The following NIPSNAP1 variants were observed in gnomAD, a reference collection of about 807,000 sequenced individuals.
The protein encoded by NIPSNAP1 is protein NipSnap homolog 1.
In NIPSNAP1, 25 loss-of-function variants were observed where a neutral mutation model predicts 49.2. The observed-to-expected ratio is 0.51, with a 90% CI of 0.37 to 0.71. The LOEUF (loss-of-function observed/expected upper bound fraction) is 0.71. Ranked by LOEUF, NIPSNAP1 falls within the 30% of genes least tolerant of loss-of-function variation. The probability of loss-of-function intolerance (pLI) is 0.00; values close to 1 mark genes in which losing one functional copy is unlikely to be tolerated. For missense variants in NIPSNAP1, 294 were observed against 361.0 expected (o/e 0.81, Z 1.50); for synonymous variants, 143 against 140.7 (o/e 1.02, Z -0.12).
At chr22:29,562,691 C>A (rs1361177186) in intron 4 of NIPSNAP1, among the ~76,000 whole-genome samples, 1 of 149,922 alleles carries the variant, frequency 6.7e-6, no homozygotes, top group African/African-American at 2.5e-5. Context: ...AACTCCGTCT[C>A]AAAAAAAAAG....
At chr22:29,559,136 A>G (rs2064316381) in intron 8 of NIPSNAP1, among the ~76,000 whole-genome samples, 183 bp from the exon 9 acceptor site, 1 of 152,196 alleles carries the variant, frequency 6.6e-6, no homozygotes, top group African/African-American at 2.4e-5. Flanking sequence ...ACATATGTTA[A>G]TATTGCCTAC....
At chr22:29,556,052 C>G in intron 9 of NIPSNAP1, 53 bp from the exon 10 acceptor site, 1 of 1,482,858 alleles carries the variant, frequency 6.7e-7, no homozygotes, top group Non-Finnish European at 9.2e-7. Flanking sequence ...AGCCAACAAC[C>G]TCCCCTGGCC....
chr22:29,557,584 C>T lies in NIPSNAP1; in HGVS notation c.790+1286G>A, dbSNP rs1005860280. Among the ~76,000 whole-genome samples, 8 of 152,006 alleles carry T rather than the reference C, an allele frequency of 5.3e-5. No homozygotes were observed. In the South Asian group the frequency reaches 1.2e-3, roughly 24 times the overall value. On this transcript the variant is annotated intron_variant, in intron 9 of 9. Transcript: ENST00000216121. Reference sequence around the variant, plus strand: ...CTGGGACTACAGATGGGAAACACCACGTCCTGCTAATTTTTAAAAAATGTT... The same window carrying T: ...CTGGGACTACAGATGGGAAACACCATGTCCTGCTAATTTTTAAAAAATGTT...
chr22:29,568,436 CTG>C (rs1472408058), intron 4 of NIPSNAP1, among the ~76,000 whole-genome samples: 1 of 145,254 alleles, frequency 6.9e-6, no homozygotes, highest in Non-Finnish European at 1.5e-5. Flanking sequence ...TCAGCCAAGA[CTG>C]TGCCACTATC....
At chr22:29,563,674 G>A (rs1236576537) in intron 4 of NIPSNAP1, among the ~76,000 whole-genome samples, 3 of 152,022 alleles carry the variant, frequency 2.0e-5, no homozygotes, top group South Asian at 4.2e-4. Flanking sequence ...ATCGACCTAA[G>A]ATGAGATTAT....
intron 4 of NIPSNAP1, among the ~76,000 whole-genome samples, chr22:29,564,000 G>T (rs1379204338): frequency 6.6e-6 from 1 of 152,196 alleles, no homozygotes; most frequent in Non-Finnish European, 1.5e-5. Flanking sequence ...CACCCAGTTT[G>T]CGGTATGCTG....
At chr22:29,556,919 T>C (rs988024781) in intron 9 of NIPSNAP1, among the ~76,000 whole-genome samples, 2 of 151,362 alleles carry the variant, frequency 1.3e-5, no homozygotes, top group African/African-American at 2.4e-5. Flanking sequence ...CTGGCTAATT[T>C]TGTATTTTTA....
At chr22:29,573,834 G>A (rs2064428940) in intron 1 of NIPSNAP1, among the ~76,000 whole-genome samples, 1 of 151,458 alleles carries the variant, frequency 6.6e-6, no homozygotes, top group African/African-American at 2.4e-5. Flanking sequence ...AGCTACTCAG[G>A]AGGCTGAGGT....
chr22:29,564,186 T>A, intron 4 of NIPSNAP1: 1 of 378,046 alleles, frequency 2.6e-6, no homozygotes, highest in South Asian at 2.0e-5. Context: ...GCCAGCAGTC[T>A]AGAAACTCAG....
intron 1 of NIPSNAP1, among the ~76,000 whole-genome samples, chr22:29,574,407 A>C (rs1190164895): frequency 2.0e-5 from 3 of 152,088 alleles, no homozygotes; most frequent in Non-Finnish European, 2.9e-5. Context: ...TTTTTTATAA[A>C]GATTTTAAAG....
At chr22:29,559,082 A>C in intron 8 of NIPSNAP1, 129 bp from the exon 9 acceptor site, 5 of 726,262 alleles carry the variant, frequency 6.9e-6, no homozygotes, top group Non-Finnish European at 1.0e-5. Flanking sequence ...CCTCCCTCAG[A>C]CTATTAGCAA....
At chr22:29,558,669 T>C (rs2064312882) in intron 9 of NIPSNAP1, among the ~76,000 whole-genome samples, 1 of 152,076 alleles carries the variant, frequency 6.6e-6, no homozygotes, top group Non-Finnish European at 1.5e-5. Flanking sequence ...GCCCTGGCTA[T>C]GTTATCATCC....
chr22:29,561,172 A>C lies in NIPSNAP1; in HGVS notation c.610T>G (p.Trp204Gly), dbSNP rs2064332796. ...CCCAGTCTTGGTGCTGCCACTTACC[A>C]GTTGTTCCCCCACTCGATCATGGTT... ...PGTMIEWGNNWARAIKYRQEN... is the reference protein window; with the variant it reads ...PGTMIEWGNNGARAIKYRQEN... The change falls in exon 7 of 10, where the codon TGG (tryptophan) becomes GGG (glycine). Residue 204 changes from tryptophan to glycine, a missense_variant and splice_region_variant. This residue lies in a region of NIPSNAP1 where 146 missense variants were observed against 219.9 expected (regional missense o/e 0.66). Transcript: ENST00000216121. 1.9e-6 allele frequency: 3 copies of C among 1,613,056 alleles called. No individual in the cohort carries two copies. Among genetic ancestry groups the C allele is most frequent in the Non-Finnish European group, 2.5e-6 (3 of 1,179,290 alleles).
chr22:29,558,568 A>C (rs1425799808), intron 9 of NIPSNAP1, among the ~76,000 whole-genome samples: 1 of 152,210 alleles, frequency 6.6e-6, no homozygotes, highest in Non-Finnish European at 1.5e-5. Context: ...TCACTATCTT[A>C]CAGACGAGGG....
Position 29,580,988 on chromosome 22 carries a change from G to C in NIPSNAP1, c.95C>G (p.Ala32Gly). The C allele has an allele frequency of 1.3e-6, 2 of 1,530,224 alleles. No individual in the cohort carries two copies. Among genetic ancestry groups the C allele is most frequent in the Non-Finnish European group, 1.7e-6 (2 of 1,143,784 alleles). The allele number at this position is 1,530,224 out of a possible 1,614,324, so 94.8% of individuals were successfully genotyped here. ...CCCTGCCTGGCCGGGCTCTCACCGC[G>C]CCGCAGCTGCAGACGCAACGTCCCC... Reference protein sequence around the residue: ...RAGDVASAAAARFYSKDNEGS... With the variant: ...RAGDVASAAAGRFYSKDNEGS... Residue 32 changes from alanine to glycine, a missense_variant, in exon 1 of 10, where the codon GCG becomes GGG. Physicochemically the swap from Ala to Gly is moderately conservative, Grantham distance 60. Around this residue, in one of 4 missense-constraint regions of NIPSNAP1, gnomAD observed 88 missense variants for 76.1 expected, o/e 1.16. Transcript: ENST00000216121.
chr22:29,570,442 C>T lies in NIPSNAP1; in HGVS notation c.189G>A (p.Leu63=), dbSNP rs550071052. 30 of 1,614,154 alleles carry T rather than the reference C, an allele frequency of 1.9e-5. 1 individual carries two copies. The South Asian group carries it at 3.2e-4, about 17-fold the overall frequency. The change falls in exon 2 of 10, where the codon CTG becomes CTA. Residue 63 remains leucine (L), a synonymous_variant. Coordinates refer to ENST00000216121, the MANE Select transcript of NIPSNAP1 (RefSeq NM_003634.4). The part of the protein sequence containing the change: ...DPRKDAHSTL[L]SKKETSNLYK... ...AGAGGTTGCTGGTTTCCTTCTTGGA[C>T]AGCAGGGTGGAGTGGGCATCCTTCC...
Position 29,555,536 on chromosome 22 carries a change from C to T in NIPSNAP1, c.*399G>A. Reference sequence around the variant, plus strand: ...AATTCCTGAGGGCCTGGCCTGGCCTCCTCTCTTCCCACCCCACCTCTAGCC... The same window carrying T: ...AATTCCTGAGGGCCTGGCCTGGCCTTCTCTCTTCCCACCCCACCTCTAGCC... On this transcript the variant is annotated 3_prime_UTR_variant, in exon 10 of 10. Transcript: ENST00000216121. The T allele has an allele frequency of 4.2e-6, 1 of 239,330 alleles. No individual in the cohort carries two copies. The allele number at this position is 239,330 out of a possible 1,614,324, so 14.8% of individuals were successfully genotyped here.
In NIPSNAP1 at chr22:29,570,189, T is replaced by G; in HGVS notation, c.245A>C (p.Glu82Ala). The G allele has an allele frequency of 6.2e-7, 1 of 1,613,880 alleles. No homozygotes were observed. The highest frequency in any genetic ancestry group is 8.5e-7 in the Non-Finnish European group (1 of 1,179,976). Residue 82 changes from glutamate (E) to alanine (A), a missense_variant, in exon 3 of 10, where the codon GAA becomes GCA. Glu to Ala is a moderately radical substitution (Grantham distance 107, BLOSUM62 -1). Around this residue, in one of 4 missense-constraint regions of NIPSNAP1, gnomAD observed 55 missense variants for 46.2 expected, o/e 1.19. Coordinates refer to ENST00000216121, the MANE Select transcript of NIPSNAP1 (RefSeq NM_003634.4). ...YKIQFHNVKP[E>A]YLDAYNSLTE... ...GAGGCTGTTGTAGGCATCCAGGTAT[T>G]CAGGCTTTACATTGTGAACTGCAAC...
At position 29,581,021 on chromosome 22, in the gene NIPSNAP1, G is replaced by T; in HGVS notation, c.62C>A (p.Pro21His). 6.5e-7 allele frequency: 1 copy of T among 1,536,324 alleles called. No homozygotes were observed. The change falls in exon 1 of 10, where the codon CCT becomes CAT. Residue 21 changes from proline (P) to histidine (H), a missense_variant. Pro to His is a moderately conservative substitution (Grantham distance 77). Transcript: ENST00000216121. ...TARRLLGGPG[P>H]RAGDVASAAA... ...TGCAGACGCAACGTCCCCAGCGCGAGGCCCCGGGCCCCCCAGCAGCCGCCG... is the reference window on the plus strand; with the variant it reads ...TGCAGACGCAACGTCCCCAGCGCGATGCCCCGGGCCCCCCAGCAGCCGCCG...
Sources: gnomAD v4.1 joint callset for allele counts (sites outside exome capture counted in the v4.1 genomes callset) on GRCh38, gnomAD v4.1.1 for gene constraint, gnomAD v4.1.1 regional missense constraint, MANE v1.5 for transcripts, NCBI Gene and HGNC (gene_info 2026-07-23, HGNC 2026-07-21) for gene names.